DPP3: variants seen among roughly 807,000 people sequenced by gnomAD.
The protein encoded by DPP3 is DPP III.
DPP3 carries 64 observed loss-of-function variants against 89.8 expected under a neutral mutation model. That is an observed-to-expected ratio of 0.71 (90% CI 0.58 to 0.88). The LOEUF is 0.88. Among genes scored for constraint, DPP3 ranks in the 40% least tolerant of loss-of-function variants. DPP3 has a pLI of 0.00. For synonymous variants in DPP3, 377 were observed against 404.3 expected (o/e 0.93, Z 0.81); for missense variants, 835 against 972.5 (o/e 0.86, Z 1.88).
At chr11:66,502,755 C>T (rs111550751) in intron 16 of DPP3, among the ~76,000 whole-genome samples, 137 of 151,554 alleles carry the variant, frequency 9.0e-4, no homozygotes, top group African/African-American at 3.2e-3. Context: ...TGAGACACCA[C>T]GCCCAACCAA....
intron 17 of DPP3, among the ~76,000 whole-genome samples, chr11:66,507,270 G>A (rs1448200115): frequency 1.1e-4 from 17 of 151,808 alleles, no homozygotes; most frequent in African/African-American, 2.7e-4. Flanking sequence ...GATCGAGACC[G>A]TCCTGGCTAA....
rs762912494 is a variant in DPP3, at chr11:66,493,145, G to A, written c.1262G>A (p.Arg421Gln). Residue 421 changes from arginine (R) to glutamine (Q), a missense_variant, in exon 11 of 18, where the codon CGG becomes CAG. Coordinates refer to ENST00000531863, the MANE Select transcript of DPP3 (RefSeq NM_130443.4). ...NVLAVAYATQ[R>Q]EKLTFLEEDD... Reference sequence around the variant, plus strand: ...CTGGCTGTGGCCTACGCCACGCAGCGGGAGAAGCTTACCTTTCTGGAGGAG... The same window carrying A: ...CTGGCTGTGGCCTACGCCACGCAGCAGGAGAAGCTTACCTTTCTGGAGGAG... 6.8e-6 allele frequency: 11 copies of A among 1,613,914 alleles called. No individual in the cohort carries two copies. The highest frequency in any genetic ancestry group is 1.1e-5 in the South Asian group (1 of 91,072).
chr11:66,484,461 C>T (rs1339765742), intron 2 of DPP3, among the ~76,000 whole-genome samples: 2 of 152,110 alleles, frequency 1.3e-5, no homozygotes, highest in Non-Finnish European at 1.5e-5. Flanking sequence ...GCTTGCTTTT[C>T]TTACTCCTGG....
intron 15 of DPP3, 40 bp from the exon 16 acceptor site, chr11:66,497,258 G>T: frequency 6.3e-7 from 1 of 1,596,630 alleles, no homozygotes; most frequent in Non-Finnish European, 8.5e-7. Context: ...CCAAGCACTT[G>T]ATACGGGCTA....
rs191568881 is a variant in DPP3, at chr11:66,493,977, T to C, written c.1389+344T>C. Among the ~76,000 whole-genome samples the C allele has an allele frequency of 1.1e-3, 175 of 152,202 alleles. 1 individual carries two copies. In the Middle Eastern group the frequency reaches 0.038, roughly 33 times the overall value. ...TGGCTCAGGCTAAGGAAGCACACCC[T>C]AAGGGCGTGCTTAGGGCGTGGCTCC... is the stretch of plus-strand genomic sequence containing the variant. On this transcript the variant is annotated intron_variant, in intron 12 of 17. Coordinates refer to ENST00000531863, the MANE Select transcript of DPP3 (RefSeq NM_130443.4).
intron 17 of DPP3, among the ~76,000 whole-genome samples, chr11:66,506,528 T>C (rs543665015): frequency 8.7e-4 from 132 of 152,312 alleles, no homozygotes; most frequent in African/African-American, 3.0e-3. Context: ...GTGCTGGGAT[T>C]ACAGGCGTGA....
At chr11:66,486,919 T>C (rs1456690557) in intron 4 of DPP3, among the ~76,000 whole-genome samples, 2 of 151,880 alleles carry the variant, frequency 1.3e-5, no homozygotes, top group Admixed American at 1.3e-4. Flanking sequence ...CATGTGCTGA[T>C]GGAGGGAAGG....
chr11:66,507,573 CG>C (rs1173649089), intron 17 of DPP3, among the ~76,000 whole-genome samples: 1 of 151,988 alleles, frequency 6.6e-6, no homozygotes, highest in Non-Finnish European at 1.5e-5. Context: ...GAGGGAAGAT[CG>C]CATCCATCTT....
intron 17 of DPP3, among the ~76,000 whole-genome samples, chr11:66,505,555 C>A (rs1446723610): frequency 6.6e-6 from 1 of 152,130 alleles, no homozygotes; most frequent in Non-Finnish European, 1.5e-5. Context: ...TGGGGATTAA[C>A]CTTTTAAATC....
In DPP3 at chr11:66,493,647, G is replaced by GGCCA. The variant is rs751923290; in HGVS notation, c.1389+18_1389+21dup. ...CTCTTCGTACAGGTGAGAAGGCAGT[G>GGCCA]GCCAGCCCTGGCACCCCAGCCTACA... On this transcript the variant is annotated intron_variant, in intron 12 of 17. Transcript: ENST00000531863. 1.6e-5 allele frequency: 26 copies of GGCCA among 1,597,586 alleles called. No homozygotes were observed. In the African/African-American group the frequency reaches 3.5e-4, roughly 21 times the overall value.
chr11:66,499,375 G>A (rs1046464423), intron 16 of DPP3, among the ~76,000 whole-genome samples: 1 of 151,438 alleles, frequency 6.6e-6, no homozygotes, highest in Non-Finnish European at 1.5e-5. Flanking sequence ...AAAAAAAAAA[G>A]GTCTTACACT....
At chr11:66,481,994 C>T in intron 1 of DPP3, 199 bp from the exon 2 acceptor site, 1 of 708,758 alleles carries the variant, frequency 1.4e-6, no homozygotes. Flanking sequence ...AAATATGGTC[C>T]ACCAGTGTAT....
rs750530320 is a variant in DPP3 at position 66,482,181 on chromosome 11, G to A, written c.-8-12G>A. On this transcript the variant is annotated splice_polypyrimidine_tract_variant and intron_variant, in intron 1 of 17. Transcript: ENST00000531863. The stretch of plus-strand genomic sequence containing the variant: ...GGTAAACAACAGCTGTGATGACAGT[G>A]ATGGTTCTCAGCAGGGCCCATGGCG... 1 of 1,612,876 alleles carries A rather than the reference G, an allele frequency of 6.2e-7. No individual in the cohort carries two copies. Among genetic ancestry groups the A allele is most frequent in the Admixed American group, 1.7e-5 (1 of 59,974 alleles).
At chr11:66,482,041 AAGC>A in intron 1 of DPP3, 149 bp from the exon 2 acceptor site, 1 of 1,160,732 alleles carries the variant, frequency 8.6e-7, no homozygotes, top group African/African-American at 1.5e-5. Context: ...CACCTTCTCT[AAGC>A]CTCAGTTAGC....
intron 9 of DPP3, 198 bp from the exon 10 acceptor site, chr11:66,492,518 A>G: frequency 1.8e-6 from 1 of 565,980 alleles, no homozygotes; most frequent in Non-Finnish European, 2.9e-6. Flanking sequence ...TGAGGGAGAG[A>G]CGGGTTTGTG....
At chr11:66,487,593 C>G (rs1405913661) in intron 5 of DPP3, among the ~76,000 whole-genome samples, 1 of 152,218 alleles carries the variant, frequency 6.6e-6, no homozygotes, top group Non-Finnish European at 1.5e-5. Flanking sequence ...AGCTCAGCCA[C>G]TCACCAGCCA....
At chr11:66,496,215 G>A (rs1855531503) in intron 15 of DPP3, among the ~76,000 whole-genome samples, 1 of 152,182 alleles carries the variant, frequency 6.6e-6, no homozygotes, top group African/African-American at 2.4e-5. Context: ...GTGTCCTTTG[G>A]ATATGGGGTA....
chr11:66,480,506 A>T, intron 1 of DPP3, 41 bp downstream of exon 1: 1 of 1,472,854 alleles, frequency 6.8e-7, no homozygotes, highest in Non-Finnish European at 8.9e-7. Flanking sequence ...AAAGCGTGTC[A>T]TCCCGGGGGA....
rs1211652331 is a variant in DPP3, at chr11:66,491,295, A to G, written c.710A>G (p.Tyr237Cys). ...GAGGTGACTTCCAAGCTGAAGAGCT[A>G]TGAATTCCGGGGAAGCCCTTTCCAG... ...DSEVTSKLKSYEFRGSPFQVT... is the reference protein window; with the variant it reads ...DSEVTSKLKSCEFRGSPFQVT... The change falls in exon 7 of 18, where the codon TAT becomes TGT. Residue 237 changes from tyrosine to cysteine, a missense_variant. Transcript: ENST00000531863. 6.2e-7 allele frequency: 1 copy of G among 1,613,926 alleles called. No individual in the cohort carries two copies. The highest frequency in any genetic ancestry group is 1.3e-5 in the African/African-American group (1 of 75,014).
Sources: gnomAD v4.1 joint callset for allele counts (sites outside exome capture counted in the v4.1 genomes callset) on GRCh38, gnomAD v4.1.1 for gene constraint, MANE v1.5 for transcripts, NCBI Gene and HGNC (gene_info 2026-07-23, HGNC 2026-07-21) for gene names.